Variants in SLC26A9 observed in about 807,000 individuals in gnomAD.
The protein encoded by SLC26A9 is anion transporter/exchanger protein 9.
A neutral mutation model predicts 87.1 loss-of-function variants in SLC26A9; 46 were observed. That is an observed-to-expected ratio of 0.53 (90% CI 0.42 to 0.67). SLC26A9 has a LOEUF of 0.67. Ranked by LOEUF, SLC26A9 falls within the 30% of genes least tolerant of loss-of-function variation. The pLI is 0.00. For missense variants in SLC26A9, 927 were observed against 1,018.3 expected (o/e 0.91, Z 1.22); for synonymous variants, 437 against 409.1 (o/e 1.07, Z -0.82).
Position 205,914,966 on chromosome 1 carries a change from G to T in SLC26A9, c.*391C>A, listed in dbSNP as rs750780449. ...TGGGACACTTTTTGAAGCTTGTACA[G>T]CAGGCCAGCACAGTTGTACTTGTCC... On this transcript the variant is annotated 3_prime_UTR_variant, in exon 21 of 21. Transcript: ENST00000367135. 1.2e-6 allele frequency: 2 copies of T among 1,614,076 alleles called. No homozygotes were observed. Among genetic ancestry groups the T allele is most frequent in the Non-Finnish European group, 1.7e-6 (2 of 1,180,042 alleles).
chr1:205,936,125 G>A (rs1364231699), intron 1 of SLC26A9, among the ~76,000 whole-genome samples: 2 of 152,134 alleles, frequency 1.3e-5, no homozygotes, highest in Non-Finnish European at 1.5e-5. Context: ...CACCCCCACT[G>A]AGCACCAGGC....
In SLC26A9 at chr1:205,921,612, C is replaced by T. The variant is rs1316393664; in HGVS notation, c.2009G>A (p.Ser670Asn). The T allele has an allele frequency of 1.2e-6, 2 of 1,611,790 alleles. No individual in the cohort carries two copies. The highest frequency in any genetic ancestry group is 1.3e-5 in the African/African-American group (1 of 74,900). Residue 670 changes from serine to asparagine, a missense_variant, in exon 17 of 21, where the codon AGT becomes AAT. Transcript: ENST00000367135. ...VTFHTLILDM[S>N]GVSFVDLMGI... is the part of the protein sequence containing the mutation. Reference sequence around the variant, plus strand: ...CATCAAGTCCACGAAGCTGACTCCACTCATGTCCAGGATGAGGGTGTGGAA... The same window carrying T: ...CATCAAGTCCACGAAGCTGACTCCATTCATGTCCAGGATGAGGGTGTGGAA...
chr1:205,916,303 G>C (rs1263256309), intron 20 of SLC26A9, among the ~76,000 whole-genome samples: 1 of 152,088 alleles, frequency 6.6e-6, no homozygotes, highest in Non-Finnish European at 1.5e-5. Flanking sequence ...CGCCATGTTG[G>C]CCAGGCTGGT....
chr1:205,915,496 A>C, intron 20 of SLC26A9, 92 bp from the exon 21 acceptor site: 2 of 1,540,670 alleles, frequency 1.3e-6, no homozygotes, highest in Non-Finnish European at 1.8e-6. Flanking sequence ...GACCCTAGGA[A>C]CCCCTGGCCA....
chr1:205,921,680 G>C lies in SLC26A9; in HGVS notation c.1941C>G (p.Gly647=). Residue 647 remains glycine (G), a synonymous_variant, in exon 17 of 21, where the codon GGC becomes GGG. Coordinates refer to ENST00000367135, the MANE Select transcript of SLC26A9 (RefSeq NM_052934.4). Reference sequence around the variant, plus strand: ...CGCTGGCCAGCATGTCACTGGGCTCGCCGGGGGCCTCAGCGGAGGCTGGTG... The same window carrying C: ...CGCTGGCCAGCATGTCACTGGGCTCCCCGGGGGCCTCAGCGGAGGCTGGTG... The part of the protein sequence containing the change: ...SEPPASAEAP[G]EPSDMLASVP... 2.5e-6 allele frequency: 4 copies of C among 1,597,794 alleles called. No homozygotes were observed. Among genetic ancestry groups the C allele is most frequent in the Non-Finnish European group, 3.4e-6 (4 of 1,172,364 alleles).
At chr1:205,942,803 C>T (rs985637699) in intron 1 of SLC26A9, among the ~76,000 whole-genome samples, 2 of 152,226 alleles carry the variant, frequency 1.3e-5, no homozygotes, top group African/African-American at 4.8e-5. Flanking sequence ...CCTCCCCCTC[C>T]ACCTCTTCCA....
At chr1:205,925,746 T>C (rs779969191) in intron 12 of SLC26A9, among the ~76,000 whole-genome samples, 11 of 152,166 alleles carry the variant, frequency 7.2e-5, no homozygotes, top group Non-Finnish European at 1.6e-4. Context: ...CCTTTGACAA[T>C]TTACTTAACC....
At chr1:205,938,779 C>T (rs895683566) in intron 1 of SLC26A9, among the ~76,000 whole-genome samples, 1 of 152,204 alleles carries the variant, frequency 6.6e-6, no homozygotes, top group African/African-American at 2.4e-5. Context: ...ACCTTGAAAC[C>T]CTGAAGGATT....
At position 205,927,895 on chromosome 1, in the gene SLC26A9, G is replaced by C. The variant is rs752692351; in HGVS notation, c.1101+7C>G. ...TGCCCAGTCCTGCCGGGGGTGGCCA[G>C]AGCTACCTGGTTCGAATCCACGTCG... On this transcript the variant is annotated splice_region_variant and intron_variant, in intron 9 of 20. Transcript: ENST00000367135. 1 of 1,613,622 alleles carries C rather than the reference G, an allele frequency of 6.2e-7. No homozygotes were observed. Among genetic ancestry groups the C allele is most frequent in the South Asian group, 1.1e-5 (1 of 91,000 alleles).
chr1:205,929,400 C>G (rs746361750), intron 6 of SLC26A9, 44 bp from the exon 7 acceptor site: 4 of 1,598,192 alleles, frequency 2.5e-6, no homozygotes. Flanking sequence ...ACCCCTTCTT[C>G]CCATAATACC....
chr1:205,926,782 G>A (rs933490633), intron 11 of SLC26A9, 152 bp from the exon 12 acceptor site: 5 of 683,174 alleles, frequency 7.3e-6, no homozygotes, highest in Non-Finnish European at 1.3e-5. Flanking sequence ...TCGACCTTAG[G>A]TTTGGAAAGT....
Position 205,918,971 on chromosome 1 carries a change from C to T in SLC26A9, c.2125G>A (p.Asp709Asn). 6.2e-7 allele frequency: 1 copy of T among 1,614,136 alleles called. No homozygotes were observed. Among genetic ancestry groups the T allele is most frequent in the Non-Finnish European group, 8.5e-7 (1 of 1,179,982 alleles). Residue 709 changes from aspartate (D) to asparagine (N), a missense_variant, in exon 19 of 21, where the codon GAC (aspartate) becomes AAC (asparagine). Transcript: ENST00000367135. ...LVNIHAQVYNDISHGGVFEDG... is the reference protein window; with the variant it reads ...LVNIHAQVYNNISHGGVFEDG... ...TCAAAGACGCCTCCATGGCTAATGTCATTGTACACCTGGGCTAGAAGGAGA... is the reference window on the plus strand; with the variant it reads ...TCAAAGACGCCTCCATGGCTAATGTTATTGTACACCTGGGCTAGAAGGAGA...
rs371618777 is a variant in SLC26A9 at position 205,922,272 on chromosome 1, G to C, written c.1774-425C>G. 8.5e-5 allele frequency among the ~76,000 whole-genome samples: 13 copies of C among 152,324 alleles called. No individual in the cohort carries two copies. In the East Asian group the frequency reaches 1.5e-3, roughly 18 times the overall value. On this transcript the variant is annotated intron_variant, in intron 16 of 20. Coordinates refer to ENST00000367135, the MANE Select transcript of SLC26A9 (RefSeq NM_052934.4). ...GTGCCTCAGCCTCCTGAGTAGCTGG[G>C]ATTACAGGTGCCCACCACCACGCCT...
At chr1:205,933,181 G>T in intron 2 of SLC26A9, 97 bp from the exon 3 acceptor site, 1 of 1,521,400 alleles carries the variant, frequency 6.6e-7, no homozygotes, top group South Asian at 1.2e-5. Flanking sequence ...TCATTCATTG[G>T]TTCATTCAAA....
intron 10 of SLC26A9, 54 bp from the exon 11 acceptor site, chr1:205,927,342 A>T (rs572411467): frequency 1.2e-6 from 2 of 1,600,214 alleles, no homozygotes; most frequent in South Asian, 2.2e-5. Context: ...TTTGCTCTTG[A>T]TTTACTTCCA....
chr1:205,931,396 A>T (rs1659297648), intron 5 of SLC26A9, among the ~76,000 whole-genome samples: 3 of 149,934 alleles, frequency 2.0e-5, no homozygotes, highest in African/African-American at 2.5e-5. Context: ...AGATGAGGAG[A>T]TACTGTTAAT....
intron 2 of SLC26A9, chr1:205,935,337 A>C: frequency 6.0e-6 from 1 of 165,666 alleles, no homozygotes; most frequent in Non-Finnish European, 1.3e-5. Flanking sequence ...TAAGGAGGGA[A>C]CAGGGCATGG....
chr1:205,932,862 G>T (rs372546523), intron 3 of SLC26A9, 50 bp from the exon 4 acceptor site: 28 of 1,598,854 alleles, frequency 1.8e-5, no homozygotes, highest in Non-Finnish European at 2.1e-5. Context: ...AGCTTATGGG[G>T]ATCACAGAGG....
At position 205,915,105 on chromosome 1, in the gene SLC26A9, G is replaced by A. The variant is rs761913221; in HGVS notation, c.*252C>T. 5 of 1,614,012 alleles carry A rather than the reference G, an allele frequency of 3.1e-6. No individual in the cohort carries two copies. Among genetic ancestry groups the A allele is most frequent in the Non-Finnish European group, 4.2e-6 (5 of 1,179,948 alleles). On this transcript the variant is annotated 3_prime_UTR_variant, in exon 21 of 21. Coordinates refer to ENST00000367135, the MANE Select transcript of SLC26A9 (RefSeq NM_052934.4). ...CAGGAGGCTTGTCCATTGCGGCCAG[G>A]GCCTGACGGGTGAAGAGTGGGCTCA...
Sources: allele counts gnomAD v4.1 joint callset (sites outside exome capture counted in the v4.1 genomes callset), GRCh38; gene constraint gnomAD v4.1.1; transcripts MANE v1.5; gene names NCBI Gene and HGNC (gene_info 2026-07-23, HGNC 2026-07-21).